NRG1: variants seen among roughly 807,000 people sequenced by gnomAD.
The protein encoded by NRG1 is pro-neuregulin-1, membrane-bound isoform.
A neutral mutation model predicts 63.8 loss-of-function variants in NRG1; 18 were observed. That is an observed-to-expected ratio of 0.28 (90% CI 0.19 to 0.42). NRG1 has a LOEUF of 0.42. Among genes scored for constraint, NRG1 ranks in the 10% least tolerant of loss-of-function variants. The pLI is 1.00. For missense variants in NRG1, 762 were observed against 814.7 expected, an observed-to-expected ratio of 0.94 and a Z score of 0.79; for synonymous variants, 302 against 301.3, an observed-to-expected ratio of 1.00 and a Z score of -0.02.
At chr8:32,227,257 T>A (rs1040118144) in intron 1 of NRG1, among the ~76,000 whole-genome samples, 1 of 152,174 alleles carries the variant, frequency 6.6e-6, no homozygotes, top group East Asian at 1.9e-4. Flanking sequence ...AGTGCTTAGT[T>A]CATTCACTAG....
chr8:32,045,278 A>G (rs1004266507), intron 1 of NRG1, among the ~76,000 whole-genome samples: 1 of 151,960 alleles, frequency 6.6e-6, no homozygotes, highest in East Asian at 1.9e-4. Context: ...CTAACAAAAC[A>G]TGTACAAGAT....
At chr8:32,584,928 A>C (rs10954860) in intron 1 of NRG1, among the ~76,000 whole-genome samples, 39,012 of 152,096 alleles carry the variant, frequency 0.26, 5,124 homozygotes, top group South Asian at 0.33. Context: ...TAGAACATGT[A>C]AGTAAATTTC....
intron 1 of NRG1, among the ~76,000 whole-genome samples, chr8:32,379,036 T>C (rs893545128): frequency 5.9e-5 from 9 of 152,104 alleles, no homozygotes; most frequent in Non-Finnish European, 1.2e-4. Context: ...ACATTTGGGT[T>C]GGTTCCAAGT....
At chr8:31,836,137 C>T (rs928157927) in intron 1 of NRG1, among the ~76,000 whole-genome samples, 1 of 152,074 alleles carries the variant, frequency 6.6e-6, no homozygotes, top group Non-Finnish European at 1.5e-5. Flanking sequence ...GGAGTAAAAC[C>T]AAGCCTAGGA....
chr8:32,533,841 T>C (rs10113593), intron 1 of NRG1, among the ~76,000 whole-genome samples: 16,716 of 152,152 alleles, frequency 0.11, 2,305 homozygotes, highest in East Asian at 0.58. Flanking sequence ...AAAATGCAGA[T>C]AGCGCTTTGA....
intron 1 of NRG1, among the ~76,000 whole-genome samples, chr8:32,406,182 T>G (rs1813946488): frequency 6.6e-6 from 1 of 152,154 alleles, no homozygotes; most frequent in Non-Finnish European, 1.5e-5. Flanking sequence ...AGTGCCCTCA[T>G]CTTAAATATA....
At chr8:32,366,654 T>A (rs2347071) in intron 1 of NRG1, among the ~76,000 whole-genome samples, 76,900 of 108,492 alleles carry the variant, frequency 0.71, 23,662 homozygotes, top group East Asian at 0.78. Flanking sequence ...TAATATATAT[T>A]GTGTGTGTGT....
intron 7 of NRG1, among the ~76,000 whole-genome samples, chr8:32,750,400 G>A (rs983651076): frequency 6.6e-6 from 1 of 152,074 alleles, no homozygotes; most frequent in Admixed American, 6.6e-5. Context: ...CCAGTCTCTG[G>A]GGAGTAAGGA....
At chr8:31,704,883 A>C (rs1810990727) in intron 1 of NRG1, among the ~76,000 whole-genome samples, 1 of 152,040 alleles carries the variant, frequency 6.6e-6, no homozygotes, top group Non-Finnish European at 1.5e-5. Context: ...CTCTCAAATA[A>C]AATTCTGGTG....
chr8:31,891,308 T>A (rs1159458118), intron 1 of NRG1, among the ~76,000 whole-genome samples: 1 of 152,160 alleles, frequency 6.6e-6, no homozygotes, highest in African/African-American at 2.4e-5. Context: ...TAACAATCTA[T>A]TTTAGAAAAT....
intron 5 of NRG1, among the ~76,000 whole-genome samples, chr8:32,684,699 A>T (rs1809608785): frequency 6.6e-6 from 1 of 152,120 alleles, no homozygotes; most frequent in Non-Finnish European, 1.5e-5. Context: ...ATTTGAACAG[A>T]CAACTTTAGT....
intron 1 of NRG1, among the ~76,000 whole-genome samples, chr8:32,392,107 T>A (rs1811847280): frequency 6.6e-6 from 1 of 152,090 alleles, no homozygotes; most frequent in East Asian, 1.9e-4. Flanking sequence ...AAAATTGAAA[T>A]AACATTTAGG....
At chr8:31,867,387 T>C (rs947838037) in intron 1 of NRG1, among the ~76,000 whole-genome samples, 1 of 152,224 alleles carries the variant, frequency 6.6e-6, no homozygotes, top group East Asian at 1.9e-4. Flanking sequence ...TTGATTTGTA[T>C]GTTTCAGAGT....
intron 1 of NRG1, among the ~76,000 whole-genome samples, chr8:31,888,399 A>T (rs1830889419): frequency 6.6e-6 from 1 of 152,154 alleles, no homozygotes; most frequent in South Asian, 2.1e-4. Context: ...GAATTTTAGG[A>T]CAGTGAGGAA....
chr8:32,198,397 C>G (rs373868492), intron 1 of NRG1, among the ~76,000 whole-genome samples: 1 of 152,032 alleles, frequency 6.6e-6, no homozygotes, highest in South Asian at 2.1e-4. Flanking sequence ...AGGCTGGTCT[C>G]GAACTCCTGA....
Position 32,283,022 on chromosome 8 carries a change from G to A in NRG1, c.38-312806G>A, listed in dbSNP as rs1396068233. 5.3e-5 allele frequency among the ~76,000 whole-genome samples: 8 copies of A among 152,094 alleles called. No individual in the cohort carries two copies. The East Asian group carries it at 1.5e-3, about 29-fold the overall frequency. On this transcript the variant is annotated intron_variant, in intron 1 of 10. Transcript: ENST00000519301. Reference sequence around the variant, plus strand: ...AATACCAATTTCTGTTCTTTTTTCTGAAATCTTAGAATTGAGTCCTTAGAA... The same window carrying A: ...AATACCAATTTCTGTTCTTTTTTCTAAAATCTTAGAATTGAGTCCTTAGAA...
intron 1 of NRG1, among the ~76,000 whole-genome samples, chr8:31,792,051 A>G (rs1416767366): frequency 6.6e-6 from 1 of 152,072 alleles, no homozygotes; most frequent in Non-Finnish European, 1.5e-5. Flanking sequence ...TCCACATCTT[A>G]TAGCTTTGTA....
At chr8:32,156,067 C>T (rs537986344) in intron 1 of NRG1, among the ~76,000 whole-genome samples, 6 of 152,254 alleles carry the variant, frequency 3.9e-5, no homozygotes, top group African/African-American at 1.2e-4. Flanking sequence ...CTTAAAGACC[C>T]GATTCCAGAA....
At chr8:31,677,587 C>T (rs998440295) in intron 1 of NRG1, among the ~76,000 whole-genome samples, 13 of 152,124 alleles carry the variant, frequency 8.5e-5, no homozygotes, top group African/African-American at 3.1e-4. Flanking sequence ...GCCTGAGTGA[C>T]AGAGAGACCC....
Sources: gnomAD v4.1 joint callset for allele counts (sites outside exome capture counted in the v4.1 genomes callset) on GRCh38, gnomAD v4.1.1 for gene constraint, MANE v1.5 for transcripts, NCBI Gene and HGNC (gene_info 2026-07-23, HGNC 2026-07-21) for gene names.